FOXN2: variants seen among roughly 807,000 people sequenced by gnomAD.
FOXN2 encodes the protein forkhead box N2, also known as forkhead box protein N2.
In FOXN2, 19 loss-of-function variants were observed where a neutral mutation model predicts 41.2. The ratio of observed to expected loss-of-function variants is 0.46; its 90% CI spans 0.32 to 0.68. The LOEUF is 0.68. Ranked by LOEUF, FOXN2 falls within the 30% of genes least tolerant of loss-of-function variation. FOXN2 has a pLI of 0.03. For missense variants in FOXN2, 587 were observed against 509.4 expected, an observed-to-expected ratio of 1.15 and a Z score of -1.47; for synonymous variants, 195 against 176.8, an observed-to-expected ratio of 1.10 and a Z score of -0.82.
intron 1 of FOXN2, among the ~76,000 whole-genome samples, chr2:48,318,991 C>G (rs1669112525): frequency 6.6e-6 from 1 of 152,156 alleles, no homozygotes; most frequent in Admixed American, 6.6e-5. Flanking sequence ...TGGAAAATTA[C>G]TTTGATTCTT....
intron 1 of FOXN2, among the ~76,000 whole-genome samples, chr2:48,327,738 T>A (rs1464637703): frequency 1.3e-4 from 20 of 152,120 alleles, no homozygotes; most frequent in Non-Finnish European, 4.4e-5. Flanking sequence ...AGCCAACGTG[T>A]CCAGCTGGAG....
chr2:48,346,849 C>G (rs1237184952), intron 3 of FOXN2, 98 bp downstream of exon 3: 2 of 986,600 alleles, frequency 2.0e-6, no homozygotes. Context: ...AATAAGTAGT[C>G]AAGTCAAATT....
At chr2:48,364,468 G>A (rs7559431) in intron 5 of FOXN2, among the ~76,000 whole-genome samples, 31,200 of 151,942 alleles carry the variant, frequency 0.21, 3,644 homozygotes, top group East Asian at 0.45. Context: ...ACTTGCATGC[G>A]TGTATGTACA....
chr2:48,314,215 C>A (rs1668728933), upstream of FOXN2, among the ~76,000 whole-genome samples: 1 of 152,396 alleles, frequency 6.6e-6, no homozygotes, highest in South Asian at 2.1e-4. Context: ...CGGGCACAGG[C>A]ACCGAGGGCC....
At chr2:48,341,170 A>G (rs185961212) in intron 2 of FOXN2, among the ~76,000 whole-genome samples, 2 of 152,274 alleles carry the variant, frequency 1.3e-5, no homozygotes, top group African/African-American at 4.8e-5. Flanking sequence ...GTTACATCAT[A>G]GGCCCAGGTT....
At chr2:48,315,441 C>G (rs1301054040) in intron 1 of FOXN2, among the ~76,000 whole-genome samples, 3 of 152,176 alleles carry the variant, frequency 2.0e-5, no homozygotes, top group Non-Finnish European at 4.4e-5. Flanking sequence ...CGCCCCTCCA[C>G]CGCCTCGAGG....
chr2:48,349,483 A>G (rs1057137112), intron 3 of FOXN2, among the ~76,000 whole-genome samples: 4 of 151,872 alleles, frequency 2.6e-5, no homozygotes, highest in Non-Finnish European at 5.9e-5. Flanking sequence ...GTCTCAAAAT[A>G]AAAAAATAAG....
chr2:48,350,970 AT>A (rs999632596), intron 3 of FOXN2, among the ~76,000 whole-genome samples: 1 of 150,986 alleles, frequency 6.6e-6, no homozygotes, highest in African/African-American at 2.4e-5. Flanking sequence ...AATTTATTTT[AT>A]TTTTTTTATT....
chr2:48,375,144 A>T lies in FOXN2; in HGVS notation c.997A>T (p.Ile333Phe). 1 of 1,614,132 alleles carries T rather than the reference A, an allele frequency of 6.2e-7. No individual in the cohort carries two copies. The highest frequency in any genetic ancestry group is 8.5e-7 in the Non-Finnish European group (1 of 1,179,986). ...LSSVDEVYEF[I>F]PKNSHVGSDG... ...TTCTGTGGATGAGGTATATGAATTTATCCCAAAGAATAGTCACGTGGGAAG... is the reference window on the plus strand; with the variant it reads ...TTCTGTGGATGAGGTATATGAATTTTTCCCAAAGAATAGTCACGTGGGAAG... The change falls in exon 7 of 7, where the codon ATC (isoleucine) becomes TTC (phenylalanine). Residue 333 changes from isoleucine to phenylalanine, a missense_variant. By Grantham distance (21) the Ile-to-Phe change is conservative (BLOSUM62 0). Coordinates refer to ENST00000340553, the MANE Select transcript of FOXN2 (RefSeq NM_002158.4).
intron 5 of FOXN2, among the ~76,000 whole-genome samples, chr2:48,370,114 T>G (rs926433013): frequency 6.6e-6 from 1 of 152,202 alleles, no homozygotes; most frequent in African/African-American, 2.4e-5. Context: ...CCACCTGGCT[T>G]AAGGCAGTGA....
intron 1 of FOXN2, among the ~76,000 whole-genome samples, chr2:48,322,605 A>G (rs553258595): frequency 6.6e-6 from 1 of 150,946 alleles, no homozygotes; most frequent in African/African-American, 2.4e-5. Flanking sequence ...TATCCAATAC[A>G]TTTTTTTCGT....
intron 6 of FOXN2, among the ~76,000 whole-genome samples, chr2:48,373,843 C>G (rs1444626144): frequency 6.6e-6 from 1 of 152,016 alleles, no homozygotes; most frequent in Non-Finnish European, 1.5e-5. Flanking sequence ...TCACTTGAGA[C>G]CAGGAGTTCC....
intron 3 of FOXN2, 87 bp downstream of exon 3, chr2:48,346,838 C>G (rs1399456601): frequency 1.8e-6 from 2 of 1,118,080 alleles, no homozygotes; most frequent in South Asian, 1.7e-5. Context: ...ATCGGGGAGA[C>G]AATAAGTAGT....
chr2:48,361,704 A>G (rs1252338412), intron 4 of FOXN2, among the ~76,000 whole-genome samples: 2 of 152,166 alleles, frequency 1.3e-5, no homozygotes, highest in African/African-American at 2.4e-5. Context: ...TCGTTAACAA[A>G]TAGATTTTTT....
chr2:48,342,689 C>G (rs1235835167), intron 2 of FOXN2, among the ~76,000 whole-genome samples: 1 of 152,100 alleles, frequency 6.6e-6, no homozygotes, highest in Non-Finnish European at 1.5e-5. Context: ...AGTGCTCTGT[C>G]TACGGTCATA....
intron 1 of FOXN2, among the ~76,000 whole-genome samples, chr2:48,324,711 G>A (rs1669551497): frequency 2.0e-5 from 3 of 152,100 alleles, no homozygotes. Flanking sequence ...TTTGGTTAAC[G>A]ATACTTTTGA....
chr2:48,321,819 A>G (rs948153149), intron 1 of FOXN2, among the ~76,000 whole-genome samples: 2 of 152,192 alleles, frequency 1.3e-5, no homozygotes. Context: ...TTAAATATGT[A>G]TGTATATTGT....
chr2:48,336,579 G>C (rs1373793197), intron 2 of FOXN2, among the ~76,000 whole-genome samples: 1 of 150,300 alleles, frequency 6.7e-6, no homozygotes, highest in Non-Finnish European at 1.5e-5. Flanking sequence ...CACTAGTAGA[G>C]GATTAAAAAA....
chr2:48,315,010 A>G (rs1280709908), intron 1 of FOXN2, among the ~76,000 whole-genome samples, 196 bp downstream of exon 1: 5 of 152,002 alleles, frequency 3.3e-5, no homozygotes, highest in Non-Finnish European at 7.4e-5. Context: ...CGGCGCGCGT[A>G]TCGGGTGGTG....
Sources: gnomAD v4.1 joint callset for allele counts (sites outside exome capture counted in the v4.1 genomes callset) on GRCh38, gnomAD v4.1.1 for gene constraint, MANE v1.5 for transcripts, NCBI Gene and HGNC (gene_info 2026-07-23, HGNC 2026-07-21) for gene names.